The following DCC variants were observed in gnomAD, a reference collection of about 807,000 sequenced individuals.
The protein encoded by DCC is netrin receptor DCC.
DCC carries 58 observed loss-of-function variants against 172.5 expected under a neutral mutation model. The observed-to-expected ratio is 0.34, with a 90% CI of 0.27 to 0.42. DCC has a LOEUF of 0.42. Ranked by LOEUF, DCC falls within the 10% of genes least tolerant of loss-of-function variation. The pLI, the probability that DCC is intolerant of heterozygous loss-of-function variation, is 1.00. For synonymous variants in DCC, 709 were observed against 644.5 expected (o/e 1.10, Z -1.52); for missense variants, 1,740 against 1,791.0 (o/e 0.97, Z 0.51).
At chr18:53,201,970 T>C (rs970070491) in intron 9 of DCC, among the ~76,000 whole-genome samples, 8 of 152,140 alleles carry the variant, frequency 5.3e-5, no homozygotes, top group Non-Finnish European at 8.8e-5. Flanking sequence ...ATGCATTACT[T>C]TGGAGTCATG....
At chr18:52,863,181 A>T (rs1479100579) in intron 2 of DCC, among the ~76,000 whole-genome samples, 4 of 151,988 alleles carry the variant, frequency 2.6e-5, no homozygotes, top group Non-Finnish European at 5.9e-5. Context: ...CCCTTAATGA[A>T]AACCACATTC....
chr18:52,905,529 G>T lies in DCC; in HGVS notation c.413-515G>T, dbSNP rs1598915946. ...AGACAATCCTTTGTTACTATAATTG[G>T]TGGTTCCTATCATCCCTCTTTCTTG... On this transcript the variant is annotated intron_variant, in intron 2 of 28. Transcript: ENST00000442544. Among the ~76,000 whole-genome samples the T allele has an allele frequency of 3.3e-5, 5 of 152,106 alleles. No individual in the cohort carries two copies. In the South Asian group the frequency reaches 6.2e-4, roughly 19 times the overall value.
intron 23 of DCC, among the ~76,000 whole-genome samples, chr18:53,453,155 T>A (rs1225727909): frequency 2.6e-5 from 4 of 152,182 alleles, no homozygotes; most frequent in Non-Finnish European, 5.9e-5. Flanking sequence ...GACTTCATGA[T>A]CTGCCCGCCT....
At chr18:52,856,575 G>A (rs1474460313) in intron 2 of DCC, among the ~76,000 whole-genome samples, 4 of 141,610 alleles carry the variant, frequency 2.8e-5, no homozygotes, top group African/African-American at 5.4e-5. Flanking sequence ...GCAGTGAGCC[G>A]GGATTGCGCC....
chr18:52,514,632 C>T (rs1268884880), intron 1 of DCC, among the ~76,000 whole-genome samples: 2 of 152,156 alleles, frequency 1.3e-5, no homozygotes, highest in Non-Finnish European at 2.9e-5. Flanking sequence ...TTAGAAAAGT[C>T]TGTGCTGCTT....
intron 12 of DCC, among the ~76,000 whole-genome samples, chr18:53,254,033 A>G (rs1374853833): frequency 6.6e-6 from 1 of 152,088 alleles, no homozygotes; most frequent in African/African-American, 2.4e-5. Flanking sequence ...ATATAGCCTC[A>G]GAAGTCAAAA....
chr18:53,448,414 CTTG>C (rs1249936394), intron 22 of DCC, among the ~76,000 whole-genome samples: 1 of 152,106 alleles, frequency 6.6e-6, no homozygotes, highest in Non-Finnish European at 1.5e-5. Context: ...ACCATCAGAC[CTTG>C]TTGTGAGAAT....
intron 2 of DCC, among the ~76,000 whole-genome samples, chr18:52,871,322 CT>C (rs77020050): frequency 3.1e-3 from 452 of 144,908 alleles, no homozygotes; most frequent in Middle Eastern, 7.2e-3. Context: ...AGAACAGTGT[CT>C]TTTTTTTTTT....
intron 1 of DCC, among the ~76,000 whole-genome samples, chr18:52,532,107 T>C (rs1368898154): frequency 7.9e-5 from 12 of 152,172 alleles, no homozygotes; most frequent in Admixed American, 7.9e-4. Flanking sequence ...TTGGAGTGAC[T>C]CCTGTGCTTT....
chr18:52,541,877 A>ATATATATATATATATATG (rs2032464340), intron 1 of DCC, among the ~76,000 whole-genome samples: 12 of 68,796 alleles, frequency 1.7e-4, no homozygotes, highest in African/African-American at 5.8e-4. Flanking sequence ...GTGTGTGTGT[A>ATATATATATATATATATG]TATATATATA....
At chr18:52,941,445 T>C (rs2040461447) in intron 5 of DCC, among the ~76,000 whole-genome samples, 1 of 151,938 alleles carries the variant, frequency 6.6e-6, no homozygotes, top group African/African-American at 2.4e-5. Context: ...TAATACCGTA[T>C]TATAGTTTTT....
chr18:53,142,764 T>G (rs2043850205), intron 7 of DCC, among the ~76,000 whole-genome samples: 2 of 152,194 alleles, frequency 1.3e-5, no homozygotes, highest in Admixed American at 6.5e-5. Context: ...TGAACTACAG[T>G]CCAGTCTTTA....
chr18:53,237,362 A>G (rs549371561), intron 12 of DCC, among the ~76,000 whole-genome samples: 1 of 152,262 alleles, frequency 6.6e-6, no homozygotes, highest in Non-Finnish European at 1.5e-5. Flanking sequence ...ATCTTGGCAT[A>G]TTTGAATTTA....
At chr18:53,085,580 G>A (rs1411006314) in intron 7 of DCC, among the ~76,000 whole-genome samples, 1 of 152,010 alleles carries the variant, frequency 6.6e-6, no homozygotes, top group East Asian at 1.9e-4. Flanking sequence ...TTCCTGAATT[G>A]CTGAAATATT....
chr18:52,980,102 G>T (rs1316061561), intron 5 of DCC, among the ~76,000 whole-genome samples: 1 of 152,076 alleles, frequency 6.6e-6, no homozygotes, highest in Non-Finnish European at 1.5e-5. Context: ...AGGGGAGGTT[G>T]GGAGGAGAGT....
chr18:52,653,202 G>T (rs771258118), intron 1 of DCC, among the ~76,000 whole-genome samples: 2 of 152,090 alleles, frequency 1.3e-5, no homozygotes, highest in Non-Finnish European at 2.9e-5. Context: ...ATTTTTGATG[G>T]CATGAAAGGT....
intron 1 of DCC, among the ~76,000 whole-genome samples, chr18:52,449,927 A>C (rs961052946): frequency 6.6e-6 from 1 of 152,188 alleles, no homozygotes; most frequent in Admixed American, 6.5e-5. Flanking sequence ...CTTTGAGTCC[A>C]TTAAACCACT....
chr18:52,922,241 G>T (rs1319985225), intron 3 of DCC, among the ~76,000 whole-genome samples: 2 of 152,250 alleles, frequency 1.3e-5, no homozygotes, highest in East Asian at 3.9e-4. Context: ...CTGAGAAAGT[G>T]TGAAATTTTA....
chr18:52,669,682 T>G (rs1231607946), intron 1 of DCC, among the ~76,000 whole-genome samples: 1 of 152,170 alleles, frequency 6.6e-6, no homozygotes, highest in Non-Finnish European at 1.5e-5. Context: ...TATCTAGAAA[T>G]AGTTATTGAG....
Sources: gnomAD v4.1 joint callset for allele counts (sites outside exome capture counted in the v4.1 genomes callset) on GRCh38, gnomAD v4.1.1 for gene constraint, MANE v1.5 for transcripts, NCBI Gene and HGNC (gene_info 2026-07-23, HGNC 2026-07-21) for gene names.